SPMAP2L: variants seen among roughly 807,000 people sequenced by gnomAD.
The protein encoded by SPMAP2L is sperm microtubule associated protein 2-like.
At chr4:56,618,045 C>T in the SPMAP2L span, among the ~76,000 whole-genome samples, 3 of 152,122 alleles carry the variant, frequency 2.0e-5, no homozygotes, top group Admixed American at 6.5e-5. Context: ...GCTAGGGTCT[C>T]GGGCTTTTAC....
At chr4:56,560,840 G>T in the SPMAP2L span, among the ~76,000 whole-genome samples, 1 of 152,112 alleles carries the variant, frequency 6.6e-6, no homozygotes, top group Non-Finnish European at 1.5e-5. Flanking sequence ...CCACCTCCTG[G>T]GTTCAAGTAA....
the SPMAP2L span, among the ~76,000 whole-genome samples, chr4:56,536,459 T>C: frequency 6.6e-6 from 1 of 152,220 alleles, no homozygotes; most frequent in East Asian, 1.9e-4. Context: ...TTGAGACACT[T>C]ATGGGGCTGC....
chr4:56,587,287 T>TTGAC, the SPMAP2L span, among the ~76,000 whole-genome samples: 14 of 152,072 alleles, frequency 9.2e-5, no homozygotes, highest in Non-Finnish European at 1.8e-4. Context: ...GATTGATTGA[T>TTGAC]TGATTGATTT....
the SPMAP2L span, among the ~76,000 whole-genome samples, chr4:56,554,705 C>T: frequency 4.0e-4 from 60 of 150,550 alleles, 1 homozygote; most frequent in Non-Finnish European, 5.7e-4. Context: ...GTGAATCATG[C>T]TTTTGGTGTT....
the SPMAP2L span, among the ~76,000 whole-genome samples, chr4:56,604,821 C>A: frequency 6.6e-6 from 1 of 152,052 alleles, no homozygotes; most frequent in East Asian, 1.9e-4. Flanking sequence ...ACTACTCAGT[C>A]GTAAAACAAA....
At chr4:56,592,370 C>T in the SPMAP2L span, among the ~76,000 whole-genome samples, 1 of 152,208 alleles carries the variant, frequency 6.6e-6, no homozygotes, top group Non-Finnish European at 1.5e-5. Context: ...CTGAGTTTAT[C>T]ATTACCATTT....
the SPMAP2L span, among the ~76,000 whole-genome samples, chr4:56,604,562 G>A: frequency 6.6e-6 from 1 of 151,918 alleles, no homozygotes; most frequent in Non-Finnish European, 1.5e-5. Flanking sequence ...GGAGGCTGAG[G>A]CAGGAGAATC....
At chr4:56,564,471 C>T in the SPMAP2L span, among the ~76,000 whole-genome samples, 1 of 152,160 alleles carries the variant, frequency 6.6e-6, no homozygotes, top group Non-Finnish European at 1.5e-5. Flanking sequence ...TTGAAATTTA[C>T]TGGAGTAAAG....
chr4:56,583,520 A>G, the SPMAP2L span, among the ~76,000 whole-genome samples: 16 of 152,306 alleles, frequency 1.1e-4, no homozygotes, highest in South Asian at 2.1e-4. Context: ...CTACCCCTAG[A>G]GAGTAATCAT....
At chr4:56,563,617 A>C in the SPMAP2L span, among the ~76,000 whole-genome samples, 1 of 152,190 alleles carries the variant, frequency 6.6e-6, no homozygotes, top group Non-Finnish European at 1.5e-5. Flanking sequence ...TACCAGTTTA[A>C]GGTGGCCATT....
chr4:56,581,761 A>G, the SPMAP2L span, among the ~76,000 whole-genome samples: 1,043 of 152,320 alleles, frequency 6.8e-3, 14 homozygotes, highest in African/African-American at 0.024. Flanking sequence ...CAGTTTTCTC[A>G]TTTCAAAACT....
At chr4:56,613,976 T>C in the SPMAP2L span, among the ~76,000 whole-genome samples, 2 of 152,214 alleles carry the variant, frequency 1.3e-5, no homozygotes, top group African/African-American at 4.8e-5. Context: ...ACATAGGCTG[T>C]GGACAAAGCA....
chr4:56,571,213 AT>A, the SPMAP2L span, among the ~76,000 whole-genome samples: 1 of 151,592 alleles, frequency 6.6e-6, no homozygotes, highest in African/African-American at 2.4e-5. Context: ...ATCCAAAAAT[AT>A]TTTTTCTTTA....
the SPMAP2L span, chr4:56,595,214 G>A: frequency 1.2e-6 from 2 of 1,611,740 alleles, no homozygotes; most frequent in Non-Finnish European, 1.7e-6. Context: ...ATTCTTTTCA[G>A]GGGTGCAAGA....
At chr4:56,598,249 G>A in the SPMAP2L span, among the ~76,000 whole-genome samples, 1 of 152,196 alleles carries the variant, frequency 6.6e-6, no homozygotes, top group African/African-American at 2.4e-5. Context: ...ATAACAGAAA[G>A]GCAATCTGGT....
chr4:56,543,885 AGAGAGAGAGAGT>A, the SPMAP2L span, among the ~76,000 whole-genome samples: 1 of 129,052 alleles, frequency 7.7e-6, no homozygotes, highest in Admixed American at 8.0e-5. Flanking sequence ...TGAGAGAGAG[AGAGAGAGAGAGT>A]GTGTGTGTGT....
the SPMAP2L span, among the ~76,000 whole-genome samples, chr4:56,600,101 T>C: frequency 6.9e-5 from 5 of 72,514 alleles, no homozygotes; most frequent in African/African-American, 2.6e-4. Context: ...TGCTTTCTTT[T>C]TTTTTTTTTT....
chr4:56,616,185 C>T, the SPMAP2L span, among the ~76,000 whole-genome samples: 1 of 152,106 alleles, frequency 6.6e-6, no homozygotes, highest in African/African-American at 2.4e-5. Flanking sequence ...ATCAAGGTGT[C>T]GGTGGGGTTG....
At chr4:56,603,606 C>T in the SPMAP2L span, 2 of 263,700 alleles carry the variant, frequency 7.6e-6, no homozygotes, top group African/African-American at 4.4e-5. Context: ...TTGGCTGCCT[C>T]ATTGCTGTAG....
Sources: allele counts gnomAD v4.1 joint callset (sites outside exome capture counted in the v4.1 genomes callset), GRCh38; gene constraint gnomAD v4.1.1; transcripts MANE v1.5; gene names NCBI Gene and HGNC (gene_info 2026-07-23, HGNC 2026-07-21).